The following PXDNL variants were observed in gnomAD, a reference collection of about 807,000 sequenced individuals.
The protein encoded by PXDNL is probable oxidoreductase PXDNL.
Under a neutral mutation model 150.8 loss-of-function variants are expected in PXDNL, and 145 were observed. The ratio of observed to expected loss-of-function variants is 0.96; its 90% CI spans 0.84 to 1.10. The LOEUF is 1.10. Ranked by LOEUF, PXDNL falls within the 50% of genes least tolerant of loss-of-function variation. PXDNL has a pLI of 0.00. For missense variants in PXDNL, 2,087 were observed against 1,873.9 expected (o/e 1.11, Z -2.10); for synonymous variants, 757 against 725.7 (o/e 1.04, Z -0.69).
chr8:51,781,929 C>A (rs1331590493), intron 1 of PXDNL, among the ~76,000 whole-genome samples: 7 of 152,192 alleles, frequency 4.6e-5, no homozygotes, highest in Non-Finnish European at 1.0e-4. Context: ...GAATACCGCC[C>A]CATCCTCCTC....
chr8:51,620,208 A>G (rs1814219907), intron 2 of PXDNL, among the ~76,000 whole-genome samples: 1 of 152,238 alleles, frequency 6.6e-6, no homozygotes, highest in Non-Finnish European at 1.5e-5. Flanking sequence ...CAATGAATTG[A>G]GAATAATAGC....
intron 4 of PXDNL, among the ~76,000 whole-genome samples, chr8:51,515,106 G>T (rs1365676406): frequency 6.6e-6 from 1 of 152,220 alleles, no homozygotes; most frequent in Non-Finnish European, 1.5e-5. Context: ...CCTTACAGGG[G>T]CGTGAGAACC....
At chr8:51,430,059 C>G (rs1167364225) in intron 12 of PXDNL, among the ~76,000 whole-genome samples, 1 of 148,480 alleles carries the variant, frequency 6.7e-6, no homozygotes, top group African/African-American at 2.5e-5. Flanking sequence ...TCACTCTTCA[C>G]ATCATAGCCT....
intron 4 of PXDNL, among the ~76,000 whole-genome samples, chr8:51,538,843 A>T (rs1812149493): frequency 6.6e-6 from 1 of 152,232 alleles, no homozygotes; most frequent in Admixed American, 6.5e-5. Context: ...GCTATAAACC[A>T]CTAAACAAAA....
At chr8:51,557,867 T>G (rs4509311) in intron 3 of PXDNL, among the ~76,000 whole-genome samples, 42,600 of 152,038 alleles carry the variant, frequency 0.28, 7,566 homozygotes, top group African/African-American at 0.5. Context: ...GTTAAGCTTT[T>G]AAAGTTCCAA....
rs191224225 is a variant in PXDNL at position 51,641,052 on chromosome 8, A to G, written c.236+13637T>C. Among the ~76,000 whole-genome samples, 6 of 152,222 alleles carry G rather than the reference A, an allele frequency of 3.9e-5. No individual in the cohort carries two copies. The East Asian group carries it at 1.2e-3, about 29-fold the overall frequency. On this transcript the variant is annotated intron_variant, in intron 2 of 22. Transcript: ENST00000356297. ...ACAGAGCCCTCAGAAATAACGCCAC[A>G]TATCTACAACCATCTGATCTTTGAC...
chr8:51,432,897 C>A (rs980876286), intron 12 of PXDNL, among the ~76,000 whole-genome samples: 3 of 152,138 alleles, frequency 2.0e-5, no homozygotes, highest in Admixed American at 2.0e-4. Context: ...TACATGCAAT[C>A]TTCTTCCTAA....
Position 51,320,036 on chromosome 8 carries a change from T to C in PXDNL, c.4261-14A>G. ...GACCTGGCCACTCTGAAAGGCAGCA[T>C]GCACATATCACCTCCATGTTTCTTA... On this transcript the variant is annotated splice_polypyrimidine_tract_variant and intron_variant, in intron 22 of 22. Transcript: ENST00000356297. The C allele has an allele frequency of 6.9e-7, 1 of 1,454,472 alleles. No individual in the cohort carries two copies. Among genetic ancestry groups the C allele is most frequent in the Non-Finnish European group, 9.1e-7 (1 of 1,099,186 alleles). 90.1% of individuals were successfully genotyped at this position (1,454,472 alleles called of 1,614,324 possible).
At chr8:51,416,863 G>T (rs1172171954) in intron 14 of PXDNL, among the ~76,000 whole-genome samples, 1 of 152,188 alleles carries the variant, frequency 6.6e-6, no homozygotes, top group Middle Eastern at 3.2e-3. Context: ...TTAAATACGT[G>T]ATATAGTCAA....
At chr8:51,487,517 C>A (rs150777623) in intron 5 of PXDNL, among the ~76,000 whole-genome samples, 1 of 151,730 alleles carries the variant, frequency 6.6e-6, no homozygotes, top group Non-Finnish European at 1.5e-5. Flanking sequence ...AATTTTTAGC[C>A]AAAAAGTCCA....
chr8:51,633,624 G>C (rs1814538366), intron 2 of PXDNL, among the ~76,000 whole-genome samples: 1 of 152,114 alleles, frequency 6.6e-6, no homozygotes, highest in Non-Finnish European at 1.5e-5. Context: ...ATTCTAGCCT[G>C]TGTGACAGAG....
At chr8:51,675,522 C>T (rs1041212745) in intron 1 of PXDNL, among the ~76,000 whole-genome samples, 12 of 151,890 alleles carry the variant, frequency 7.9e-5, no homozygotes, top group Non-Finnish European at 1.3e-4. Context: ...TGGCCAGATG[C>T]AGTGGCTCAC....
intron 6 of PXDNL, among the ~76,000 whole-genome samples, chr8:51,477,003 A>G (rs919477694): frequency 1.3e-5 from 2 of 152,228 alleles, no homozygotes; most frequent in Admixed American, 6.5e-5. Flanking sequence ...AAATCACTTC[A>G]TTGTATTAAT....
At chr8:51,464,745 C>A (rs1326214367) in intron 8 of PXDNL, among the ~76,000 whole-genome samples, 1 of 152,072 alleles carries the variant, frequency 6.6e-6, no homozygotes, top group Non-Finnish European at 1.5e-5. Context: ...GGAGGGATAG[C>A]ATTAGGAGAA....
intron 17 of PXDNL, among the ~76,000 whole-genome samples, chr8:51,376,996 C>A (rs1438260400): frequency 6.6e-6 from 1 of 152,020 alleles, no homozygotes; most frequent in Non-Finnish European, 1.5e-5. Context: ...GGGTTACAGG[C>A]GTGAGCCACC....
At chr8:51,726,638 T>C (rs1816822386) in intron 1 of PXDNL, among the ~76,000 whole-genome samples, 1 of 152,236 alleles carries the variant, frequency 6.6e-6, no homozygotes, top group African/African-American at 2.4e-5. Context: ...AGCAGATTCC[T>C]AGAATGTTCA....
rs541928895 is a variant in PXDNL at position 51,465,293 on chromosome 8, A to T, written c.812+6894T>A. On this transcript the variant is annotated intron_variant, in intron 8 of 22. Coordinates refer to ENST00000356297, the MANE Select transcript of PXDNL (RefSeq NM_144651.5). ...TCATTCACCACATAAACAGAATTTTAAAAAATTATATGATCATCTCAATAG... is the reference window on the plus strand; with the variant it reads ...TCATTCACCACATAAACAGAATTTTTAAAAATTATATGATCATCTCAATAG... 3.9e-5 allele frequency among the ~76,000 whole-genome samples: 6 copies of T among 152,280 alleles called. No individual in the cohort carries two copies. In the East Asian group the frequency reaches 1.2e-3, roughly 29 times the overall value.
rs976132435 is a variant in PXDNL at position 51,689,031 on chromosome 8, C to T, written c.165-34271G>A. ...TGCCACGCCATTAGGAATCGGGAAT[C>T]GGCCTTTCAGACACTCCTGGCTGGG... On this transcript the variant is annotated intron_variant, in intron 1 of 22. Coordinates refer to ENST00000356297, the MANE Select transcript of PXDNL (RefSeq NM_144651.5). 1.3e-4 allele frequency among the ~76,000 whole-genome samples: 20 copies of T among 152,308 alleles called. No homozygotes were observed. The South Asian group carries it at 2.3e-3, about 17-fold the overall frequency.
At chr8:51,650,245 T>A (rs1482665054) in intron 2 of PXDNL, among the ~76,000 whole-genome samples, 1 of 152,058 alleles carries the variant, frequency 6.6e-6, no homozygotes, top group Non-Finnish European at 1.5e-5. Context: ...ATATTCAAAA[T>A]TTAACAATGT....
Sources: gnomAD v4.1 joint callset for allele counts (sites outside exome capture counted in the v4.1 genomes callset) on GRCh38, gnomAD v4.1.1 for gene constraint, MANE v1.5 for transcripts, NCBI Gene and HGNC (gene_info 2026-07-23, HGNC 2026-07-21) for gene names.